The following ZNF536 variants were observed in gnomAD, a reference collection of about 807,000 sequenced individuals.
The protein encoded by ZNF536 is zinc finger protein 536.
Under a neutral mutation model 84.5 loss-of-function variants are expected in ZNF536, and 13 were observed. The observed-to-expected ratio is 0.15, with a 90% confidence interval of 0.10 to 0.24. ZNF536 has a LOEUF of 0.24. Among genes scored for constraint, ZNF536 ranks in the 10% least tolerant of loss-of-function variants. The pLI is 1.00. For synonymous variants in ZNF536, 811 were observed against 742.5 expected (o/e 1.09, Z -1.50); for missense variants, 1,536 against 1,747.5 (o/e 0.88, Z 2.16).
intron 1 of ZNF536, among the ~76,000 whole-genome samples, chr19:30,598,954 T>TTCCTTCC (rs2047563784): frequency 2.4e-5 from 1 of 41,292 alleles, no homozygotes; most frequent in African/African-American, 6.2e-5. Context: ...CCTTTCTTCC[T>TTCCTTCC]TCCTTCCTCC....
At chr19:30,626,702 C>T (rs542768027) in intron 1 of ZNF536, among the ~76,000 whole-genome samples, 2 of 152,192 alleles carry the variant, frequency 1.3e-5, no homozygotes, top group East Asian at 1.9e-4. Context: ...AAGCTCTCCC[C>T]CAACGTGCAG....
intron 1 of ZNF536, among the ~76,000 whole-genome samples, chr19:30,380,487 G>A (rs867891076): frequency 6.6e-6 from 1 of 152,184 alleles, no homozygotes; most frequent in East Asian, 1.9e-4. Flanking sequence ...GTGAATCTGA[G>A]TTATCAGTGG....
intron 1 of ZNF536, among the ~76,000 whole-genome samples, chr19:30,435,421 G>A (rs1474458731): frequency 6.6e-6 from 1 of 151,442 alleles, no homozygotes; most frequent in Non-Finnish European, 1.5e-5. Context: ...GATGATGCTG[G>A]TGATGCTGGT....
rs142658449 is a variant in ZNF536 at position 30,356,383 on chromosome 19, G to A, written c.-3+3899G>A. Among the ~76,000 whole-genome samples, 582 of 152,340 alleles carry A rather than the reference G, an allele frequency of 3.8e-3. 4 individuals are homozygous for A. Among genetic ancestry groups the A allele is most frequent in the African/African-American group, 0.013 (550 of 41,568 alleles). ...AGGTGCTGATCCTGCGGTGGGCTGGGCTGTCCCGAGTCAGCCCCTCCGTCC... is the reference window on the plus strand; with the variant it reads ...AGGTGCTGATCCTGCGGTGGGCTGGACTGTCCCGAGTCAGCCCCTCCGTCC... On this transcript the variant is annotated intron_variant, in intron 3 of 5. Transcript: ENST00000585628.
upstream of ZNF536, among the ~76,000 whole-genome samples, chr19:30,226,468 A>G (rs2144557835): frequency 6.6e-6 from 1 of 151,074 alleles, no homozygotes; most frequent in East Asian, 2.0e-4. This position sits in a 1 kb window ranked among gnomAD's most constrained non-coding sequence, Gnocchi z 4.6. Context: ...AGAGCCGCTG[A>G]GATCTGCCAT....
intron 2 of ZNF536, among the ~76,000 whole-genome samples, chr19:30,338,810 T>C (rs542709772): frequency 7.4e-4 from 113 of 152,306 alleles, no homozygotes; most frequent in African/African-American, 2.6e-3. Flanking sequence ...GGTTATTATA[T>C]GATTGTTGTC....
At chr19:30,469,470 C>T (rs1388487795) in intron 2 of ZNF536, among the ~76,000 whole-genome samples, 1 of 152,072 alleles carries the variant, frequency 6.6e-6, no homozygotes, top group East Asian at 1.9e-4. Context: ...CAGGCTTTAT[C>T]ACACCTCTGC....
At chr19:30,281,772 C>T (rs567533171) in intron 1 of ZNF536, among the ~76,000 whole-genome samples, 42 of 152,260 alleles carry the variant, frequency 2.8e-4, no homozygotes, top group African/African-American at 9.4e-4. Flanking sequence ...GGGGGCTACC[C>T]AACCCCCACT....
At chr19:30,570,195 G>A (rs1386824732) in intron 1 of ZNF536, among the ~76,000 whole-genome samples, 6 of 152,160 alleles carry the variant, frequency 3.9e-5, no homozygotes, top group East Asian at 3.8e-4. Flanking sequence ...GGCAAGTGGC[G>A]TGCCCTGCCA....
chr19:30,414,921 CCTGA>C (rs1232483445), intron 1 of ZNF536, among the ~76,000 whole-genome samples: 3 of 152,132 alleles, frequency 2.0e-5, no homozygotes, highest in Non-Finnish European at 2.9e-5. Flanking sequence ...GAAAATATTA[CCTGA>C]CTATTTTGAA....
intron 2 of ZNF536, among the ~76,000 whole-genome samples, chr19:30,304,469 G>T (rs1404105762): frequency 6.6e-6 from 1 of 152,202 alleles, no homozygotes; most frequent in Non-Finnish European, 1.5e-5. Context: ...ACTTTGCAGA[G>T]CTAGAATCCA....
intron 1 of ZNF536, among the ~76,000 whole-genome samples, chr19:30,671,441 T>G (rs1215237095): frequency 6.6e-6 from 1 of 152,200 alleles, no homozygotes; most frequent in Non-Finnish European, 1.5e-5. Context: ...GGAGAGAGAC[T>G]GTGGCCAGGT....
intron 1 of ZNF536, among the ~76,000 whole-genome samples, chr19:30,576,545 A>G (rs970263606): frequency 1.3e-5 from 2 of 152,120 alleles, no homozygotes; most frequent in East Asian, 3.9e-4. Flanking sequence ...GAAGCTGCAG[A>G]TAGGCTGTGC....
chr19:30,629,012 C>T (rs1166643496), intron 1 of ZNF536, among the ~76,000 whole-genome samples: 1 of 152,098 alleles, frequency 6.6e-6, no homozygotes, highest in East Asian at 1.9e-4. Flanking sequence ...CCAGGAGTCA[C>T]TTTTAAAGCA....
chr19:30,458,474 C>T (rs1320628299), intron 2 of ZNF536, among the ~76,000 whole-genome samples: 3 of 73,294 alleles, frequency 4.1e-5, no homozygotes, highest in African/African-American at 1.8e-4. Flanking sequence ...TTTTTTTGAC[C>T]GAGTTTCACT....
intron 2 of ZNF536, among the ~76,000 whole-genome samples, chr19:30,531,414 T>C (rs571348028): frequency 9.3e-4 from 142 of 151,920 alleles, no homozygotes; most frequent in African/African-American, 3.2e-3. Context: ...ATGCCCTCTC[T>C]CATTTCTCCT....
At chr19:30,323,708 G>C (rs1291818242) in intron 2 of ZNF536, among the ~76,000 whole-genome samples, 1 of 152,204 alleles carries the variant, frequency 6.6e-6, no homozygotes, top group African/African-American at 2.4e-5. Flanking sequence ...GGGATGTCCA[G>C]ATGGTCTGGG....
chr19:30,236,534 G>T (rs1042754560), intron 1 of ZNF536, among the ~76,000 whole-genome samples: 31 of 135,056 alleles, frequency 2.3e-4, no homozygotes, highest in South Asian at 6.9e-4. Context: ...TGGGGCGGGG[G>T]GGGGGTACAA....
At chr19:30,337,850 C>A (rs1480268535) in intron 2 of ZNF536, among the ~76,000 whole-genome samples, 1 of 152,152 alleles carries the variant, frequency 6.6e-6, no homozygotes, top group Non-Finnish European at 1.5e-5. Context: ...GGGCTCCTAG[C>A]AAGAGCTCAG....
Sources: gnomAD v4.1 joint callset for allele counts (sites outside exome capture counted in the v4.1 genomes callset) on GRCh38, gnomAD v4.1.1 for gene constraint, Gnocchi (gnomAD v3.1) non-coding constraint, MANE v1.5 for transcripts, NCBI Gene and HGNC (gene_info 2026-07-23, HGNC 2026-07-21) for gene names.